Variants in PTPN12 observed in about 807,000 individuals in gnomAD.
The protein encoded by PTPN12 is protein tyrosine phosphatase non-receptor type 12.
Under a neutral mutation model 97.6 loss-of-function variants are expected in PTPN12, and 29 were observed. The ratio of observed to expected loss-of-function variants is 0.30; its 90% CI spans 0.22 to 0.41. PTPN12 has a LOEUF of 0.41. PTPN12 is among the 10% of genes least tolerant of loss of function. PTPN12 has a pLI of 1.00. For synonymous variants in PTPN12, 327 were observed against 300.4 expected (o/e 1.09, Z -0.91); for missense variants, 819 against 926.0 (o/e 0.88, Z 1.50).
chr7:77,564,618 A>G (rs1808146885), intron 1 of PTPN12, among the ~76,000 whole-genome samples: 1 of 152,028 alleles, frequency 6.6e-6, no homozygotes, highest in Admixed American at 6.6e-5. Context: ...TTAAGCTTAA[A>G]GTAATTTCCA....
At chr7:77,630,597 A>AC (rs1789365618) in intron 13 of PTPN12, among the ~76,000 whole-genome samples, 1 of 152,360 alleles carries the variant, frequency 6.6e-6, no homozygotes, top group Non-Finnish European at 1.5e-5. Context: ...TCATAATCTT[A>AC]CAGGACCGCT....
At chr7:77,571,699 A>T (rs1171291191) in intron 2 of PTPN12, among the ~76,000 whole-genome samples, 1 of 14,642 alleles carries the variant, frequency 6.8e-5, no homozygotes, top group Non-Finnish European at 9.6e-5. Context: ...ATGATATTTT[A>T]TTTATTTATT....
chr7:77,586,258 A>G (rs1255687316), intron 5 of PTPN12, among the ~76,000 whole-genome samples: 1 of 152,140 alleles, frequency 6.6e-6, no homozygotes, highest in Non-Finnish European at 1.5e-5. Flanking sequence ...CTGGCCTTCC[A>G]TGCCTTAATT....
At chr7:77,625,474 T>TCGCTCG (rs761174867) in intron 12 of PTPN12, among the ~76,000 whole-genome samples, 1 of 29,166 alleles carries the variant, frequency 3.4e-5, no homozygotes, top group Non-Finnish European at 6.2e-5. Flanking sequence ...GGCTGCTCGC[T>TCGCTCG]CTCTCTCTCT....
intron 2 of PTPN12, among the ~76,000 whole-genome samples, chr7:77,575,494 C>T (rs1332306540): frequency 2.0e-5 from 3 of 152,062 alleles, no homozygotes; most frequent in Non-Finnish European, 2.9e-5. Context: ...GGTAACAGAG[C>T]GAGACTGTCT....
chr7:77,554,976 C>G (rs370764563), intron 1 of PTPN12, among the ~76,000 whole-genome samples: 1 of 152,166 alleles, frequency 6.6e-6, no homozygotes, highest in Non-Finnish European at 1.5e-5. Flanking sequence ...GCATGAACCA[C>G]CTTGCCCAGC....
intron 11 of PTPN12, 31 bp from the exon 12 acceptor site, chr7:77,618,449 A>C: frequency 1.4e-6 from 2 of 1,387,006 alleles, no homozygotes; most frequent in Non-Finnish European, 2.0e-6. Context: ...TTTTTCTCTT[A>C]ACCTTAGTGA....
chr7:77,556,109 G>A (rs529906911), intron 1 of PTPN12, among the ~76,000 whole-genome samples: 10 of 152,090 alleles, frequency 6.6e-5, no homozygotes, highest in Non-Finnish European at 1.5e-4. Context: ...CTCCCAGGCT[G>A]GAGTGCAGTG....
At chr7:77,563,255 G>T (rs1043571050) in intron 1 of PTPN12, among the ~76,000 whole-genome samples, 33 of 152,102 alleles carry the variant, frequency 2.2e-4, no homozygotes, top group Admixed American at 8.5e-4. Flanking sequence ...AAGTATACTG[G>T]TCAATTCTGA....
chr7:77,540,963 C>T (rs552669622), intron 1 of PTPN12, among the ~76,000 whole-genome samples: 5 of 152,184 alleles, frequency 3.3e-5, no homozygotes, highest in Non-Finnish European at 7.3e-5. Context: ...TACACTTAGA[C>T]CACAGTTCAA....
intron 12 of PTPN12, among the ~76,000 whole-genome samples, chr7:77,621,952 A>G (rs1454844267): frequency 6.6e-6 from 1 of 152,026 alleles, no homozygotes; most frequent in Non-Finnish European, 1.5e-5. Flanking sequence ...TAATATTCCA[A>G]TTCTTTCTGT....
chr7:77,540,231 C>T, intron 1 of PTPN12, among the ~76,000 whole-genome samples: 1 of 141,102 alleles, frequency 7.1e-6, no homozygotes, highest in Middle Eastern at 3.7e-3. Flanking sequence ...TTCTTTCTTT[C>T]TTTCTTTCTT....
chr7:77,564,756 T>TTTTTTTG (rs1808177707), intron 1 of PTPN12, among the ~76,000 whole-genome samples: 1 of 91,074 alleles, frequency 1.1e-5, no homozygotes, highest in African/African-American at 4.8e-5. Context: ...GTTTTTTTTT[T>TTTTTTTG]TTTTTTTTTT....
intron 1 of PTPN12, among the ~76,000 whole-genome samples, chr7:77,539,804 C>G (rs547478287): frequency 2.0e-4 from 30 of 151,644 alleles, no homozygotes; most frequent in African/African-American, 6.5e-4. Context: ...AATTTTTGTC[C>G]GAAGTAGCCG....
intron 1 of PTPN12, among the ~76,000 whole-genome samples, chr7:77,546,071 A>C (rs1482432492): frequency 6.6e-6 from 1 of 152,152 alleles, no homozygotes; most frequent in East Asian, 1.9e-4. Flanking sequence ...AGCTGGGATT[A>C]CGGGCGCCCG....
rs2151412552 is a variant in PTPN12, at chr7:77,636,910, A to G, written c.2143-108A>G. On this transcript the variant is annotated intron_variant, in intron 15 of 17. Transcript: ENST00000248594. The stretch of plus-strand genomic sequence containing the variant: ...GTTTGCTTTTCCTCTGATGCTGAAA[A>G]TGATAGGCCTTGATTTCTTGGGATA... 1.3e-5 allele frequency: 10 copies of G among 745,660 alleles called. 2 individuals carry two copies. In the South Asian group the frequency reaches 1.9e-4, roughly 15 times the overall value. 46.2% of individuals were successfully genotyped at this position (745,660 alleles called of 1,614,324 possible).
chr7:77,617,517 G>A lies in PTPN12; in HGVS notation c.940-963G>A, dbSNP rs140381229. On this transcript the variant is annotated intron_variant, in intron 11 of 17. Coordinates refer to ENST00000248594, the MANE Select transcript of PTPN12 (RefSeq NM_002835.4). ...AAGTAACAGTTGGACAAGCTGTCAT[G>A]ATGGACATAGTAGAAGTGCCTTTTA... Among the ~76,000 whole-genome samples the A allele has an allele frequency of 6.1e-4, 93 of 152,306 alleles. No homozygotes were observed. The South Asian group carries it at 6.4e-3, about 11-fold the overall frequency.
At chr7:77,593,974 T>C (rs1245320161) in intron 6 of PTPN12, among the ~76,000 whole-genome samples, 1 of 152,222 alleles carries the variant, frequency 6.6e-6, no homozygotes, top group African/African-American at 2.4e-5. Context: ...ATTCCTCTCA[T>C]ACATACCCAA....
intron 1 of PTPN12, among the ~76,000 whole-genome samples, chr7:77,538,290 C>G (rs1490070627): frequency 6.6e-6 from 1 of 152,080 alleles, no homozygotes; most frequent in African/African-American, 2.4e-5. Flanking sequence ...TCCTGAGGCC[C>G]AGGTTTGAGG....
Sources: gnomAD v4.1 joint callset for allele counts (sites outside exome capture counted in the v4.1 genomes callset) on GRCh38, gnomAD v4.1.1 for gene constraint, MANE v1.5 for transcripts, NCBI Gene and HGNC (gene_info 2026-07-23, HGNC 2026-07-21) for gene names.